Variants in EXOC7 observed in about 807,000 individuals in gnomAD.
The protein encoded by EXOC7 is exocyst complex component 7.
In EXOC7, 51 loss-of-function variants were observed where a neutral mutation model predicts 87.6. The ratio of observed to expected loss-of-function variants is 0.58; its 90% CI spans 0.46 to 0.73. The LOEUF is 0.73. EXOC7 is among the 30% of genes least tolerant of loss of function. The pLI, the probability that EXOC7 is intolerant of heterozygous loss-of-function variation, is 0.00. For missense variants in EXOC7, 744 were observed against 888.4 expected (o/e 0.84, Z 2.07); for synonymous variants, 327 against 357.1 (o/e 0.92, Z 0.95).
At chr17:76,091,319 C>A in intron 6 of EXOC7, 84 bp from the exon 7 acceptor site, 1 of 1,115,726 alleles carries the variant, frequency 9.0e-7, no homozygotes, top group Non-Finnish European at 1.4e-6. Flanking sequence ...CACCTGCCCC[C>A]CAGGCCCCGC....
At chr17:76,103,200 A>G (rs1454475823) in intron 2 of EXOC7, 161 bp downstream of exon 2, 1 of 662,354 alleles carries the variant, frequency 1.5e-6, no homozygotes, top group Non-Finnish European at 2.7e-6. Flanking sequence ...GGAGGGGGCT[A>G]GGCAGGAGAG....
At chr17:76,101,136 C>T (rs969625267) in intron 4 of EXOC7, 135 bp downstream of exon 4, 4 of 1,315,692 alleles carry the variant, frequency 3.0e-6, no homozygotes, top group Non-Finnish European at 3.9e-6. Context: ...GATCCTAATG[C>T]CTATAGGATG....
intron 2 of EXOC7, among the ~76,000 whole-genome samples, chr17:76,102,343 G>A (rs1243546592): frequency 2.0e-5 from 3 of 152,086 alleles, no homozygotes; most frequent in South Asian, 2.1e-4. Flanking sequence ...GGGAGGCTGA[G>A]GCGGGAGGTT....
In EXOC7 at chr17:76,081,544, G is replaced by C; in HGVS notation, c.*2104C>G. 1 of 1,613,210 alleles carries C rather than the reference G, an allele frequency of 6.2e-7. No individual in the cohort carries two copies. Among genetic ancestry groups the C allele is most frequent in the Non-Finnish European group, 8.5e-7 (1 of 1,180,010 alleles). Reference sequence around the variant, plus strand: ...GAAGGCCCTGACTTTTCCCCTTCCAGCTGAGGCTGAAGAACACGGCGCTCA... The same window carrying C: ...GAAGGCCCTGACTTTTCCCCTTCCACCTGAGGCTGAAGAACACGGCGCTCA... On this transcript the variant is annotated 3_prime_UTR_variant, in exon 19 of 19. Transcript: ENST00000589210.
chr17:76,087,247 C>T (rs1287786367), intron 12 of EXOC7: 1 of 374,660 alleles, frequency 2.7e-6, no homozygotes, highest in African/African-American at 2.1e-5. Flanking sequence ...AGGGCAGGGC[C>T]AGCAGGAAGA....
At chr17:76,098,954 A>G (rs1327216864) in intron 4 of EXOC7, among the ~76,000 whole-genome samples, 3 of 152,140 alleles carry the variant, frequency 2.0e-5, no homozygotes, top group Non-Finnish European at 4.4e-5. Context: ...GCAAAAGAAA[A>G]TAAATAAATA....
chr17:76,094,203 A>G, intron 6 of EXOC7: 1 of 525,350 alleles, frequency 1.9e-6, no homozygotes, highest in Non-Finnish European at 3.3e-6. Flanking sequence ...GTGTAACCCC[A>G]GGCTCTGCTA....
rs1433693858 is a variant in EXOC7, at chr17:76,103,438, C to A, written c.61-12G>T. 2 of 1,594,122 alleles carry A rather than the reference C, an allele frequency of 1.3e-6. No homozygotes were observed. The highest frequency in any genetic ancestry group is 8.5e-7 in the Non-Finnish European group (1 of 1,170,060). ...AGAGTCTCCTCCTCCTGGGGGCAGG[C>A]AAGGGGAGGACATCACCAGAAACCA... On this transcript the variant is annotated splice_polypyrimidine_tract_variant and intron_variant, in intron 1 of 18. Transcript: ENST00000589210.
In EXOC7 at chr17:76,101,825, CTTCA is replaced by C; in HGVS notation, c.161_164del (p.Met54SerfsTer85). The C allele has an allele frequency of 6.2e-7, 1 of 1,613,858 alleles. No homozygotes were observed. The highest frequency in any genetic ancestry group is 8.5e-7 in the Non-Finnish European group (1 of 1,179,940). ...GCACAGGGATGATGGAGTTCTCCAG[CTTCA>C]TAAGGCGGCTCTCAAAGGATGATAA... On this transcript the variant is annotated frameshift_variant, in exon 3 of 19. Transcript: ENST00000589210. LOFTEE classifies it high-confidence loss of function.
chr17:76,084,994 T>A, intron 15 of EXOC7: 1 of 465,194 alleles, frequency 2.1e-6, no homozygotes, highest in Non-Finnish European at 3.9e-6. Flanking sequence ...CTCAGCCACG[T>A]TCAAGTGCTC....
At chr17:76,098,143 CTT>C (rs1041802445) in intron 4 of EXOC7, 125 bp from the exon 5 acceptor site, 526 of 585,160 alleles carry the variant, frequency 9.0e-4, no homozygotes, top group Non-Finnish European at 1.1e-3. Context: ...GCCCTGATAT[CTT>C]TTTTTTTTTT....
chr17:76,096,016 G>A (rs1289492570), intron 5 of EXOC7, among the ~76,000 whole-genome samples: 4 of 152,320 alleles, frequency 2.6e-5, no homozygotes, highest in Admixed American at 6.5e-5. Flanking sequence ...TCTGGAGGCT[G>A]TCCACTGCGC....
Position 76,083,943 on chromosome 17 carries a change from G to A in EXOC7, c.1952+63C>T, listed in dbSNP as rs1390726145. On this transcript the variant is annotated intron_variant, in intron 18 of 18. Transcript: ENST00000589210. Reference sequence around the variant, plus strand: ...TTCTCCTTTTTCCCTTGAGGAAGAGGAGCTTGAAGAGGCCCACTGGGGCTG... The same window carrying A: ...TTCTCCTTTTTCCCTTGAGGAAGAGAAGCTTGAAGAGGCCCACTGGGGCTG... The A allele has an allele frequency of 2.0e-6, 3 of 1,493,684 alleles. No individual in the cohort carries two copies. The African/African-American group carries it at 4.2e-5, about 21-fold the overall frequency. 92.5% of individuals were successfully genotyped at this position (1,493,684 alleles called of 1,614,324 possible).
At chr17:76,103,323 G>A (rs2068167059) in intron 2 of EXOC7, 38 bp downstream of exon 2, 5 of 1,554,642 alleles carry the variant, frequency 3.2e-6, no homozygotes, top group South Asian at 2.4e-5. Flanking sequence ...CCCAGGGTCC[G>A]GAGGCCTGCC....
At position 76,082,581 on chromosome 17, in the gene EXOC7, G is replaced by T. The variant is rs760730740; in HGVS notation, c.*1067C>A. On this transcript the variant is annotated 3_prime_UTR_variant, in exon 19 of 19. Coordinates refer to ENST00000589210, the MANE Select transcript of EXOC7 (RefSeq NM_001013839.4). The stretch of plus-strand genomic sequence containing the variant: ...CCCAATTCGTCTTTGCAGGAATCTG[G>T]ATGTGGGCAGCGTGCAAGTCTGACG... 1 of 1,613,704 alleles carries T rather than the reference G, an allele frequency of 6.2e-7. No homozygotes were observed. The highest frequency in any genetic ancestry group is 8.5e-7 in the Non-Finnish European group (1 of 1,179,948).
In EXOC7 at chr17:76,103,682, G is replaced by A. The variant is rs775293741; in HGVS notation, c.11C>T (p.Pro4Leu). The change falls in exon 1 of 19, where the codon CCA (proline) becomes CTA (leucine). Residue 4 changes from proline to leucine, a missense_variant. Physicochemically the swap from Pro to Leu is moderately conservative, Grantham distance 98. Transcript: ENST00000589210. ...CCGCCGTCGAGCGGATGCCTCCTGTGGGGGAATCATCGCTCTGAACCCCGC... is the reference window on the plus strand; with the variant it reads ...CCGCCGTCGAGCGGATGCCTCCTGTAGGGGAATCATCGCTCTGAACCCCGC... Reference protein sequence around the residue: MIPPQEASARRREI... With the variant: MIPLQEASARRREI... 3 of 1,612,056 alleles carry A rather than the reference G, an allele frequency of 1.9e-6. No individual in the cohort carries two copies. The highest frequency in any genetic ancestry group is 2.2e-5 in the South Asian group (2 of 90,606).
chr17:76,088,840 C>T lies in EXOC7; in HGVS notation c.1131G>A (p.Thr377=), dbSNP rs764394822. ...GCAGGATGGGGAAGACGGTGAGCAC[C>T]GTGGAGAAGTCGTGTCGCACAATGG... ...RKAIVRHDFS[T]VLTVFPILRH... Residue 377 remains threonine (T), a synonymous_variant, in exon 9 of 19, where the codon ACG becomes ACA. Coordinates refer to ENST00000589210, the MANE Select transcript of EXOC7 (RefSeq NM_001013839.4). 3.5e-5 allele frequency: 57 copies of T among 1,613,734 alleles called. No homozygotes were observed. Among genetic ancestry groups the T allele is most frequent in the Middle Eastern group, 1.7e-4 (1 of 5,986 alleles).
rs2066990515 is a variant in EXOC7, at chr17:76,081,797, G to GT, written c.*1850_*1851insA. 1 of 1,612,988 alleles carries GT rather than the reference G, an allele frequency of 6.2e-7. No individual in the cohort carries two copies. On this transcript the variant is annotated 3_prime_UTR_variant, in exon 19 of 19. Coordinates refer to ENST00000589210, the MANE Select transcript of EXOC7 (RefSeq NM_001013839.4). ...TACCCAGTCTGCCCTGTTTCTCCCC[G>GT]GTCACCCACTGGTGCTCAGCTCGCT...
chr17:76,098,665 T>C (rs2067900475), intron 4 of EXOC7, among the ~76,000 whole-genome samples: 1 of 150,120 alleles, frequency 6.7e-6, no homozygotes. Flanking sequence ...ATCGAGACCA[T>C]CCTGGCTAAC....
Sources: gnomAD v4.1 joint callset for allele counts (sites outside exome capture counted in the v4.1 genomes callset) on GRCh38, gnomAD v4.1.1 for gene constraint, MANE v1.5 for transcripts, NCBI Gene and HGNC (gene_info 2026-07-23, HGNC 2026-07-21) for gene names.